SLC2A5: variants seen among roughly 807,000 people sequenced by gnomAD.
SLC2A5 encodes solute carrier family 2 member 5, also known as solute carrier family 2, facilitated glucose transporter member 5.
Under a neutral mutation model 50.3 loss-of-function variants are expected in SLC2A5, and 56 were observed. The observed-to-expected ratio is 1.11, with a 90% CI of 0.90 to 1.39. The LOEUF is 1.39. Ranked by LOEUF, SLC2A5 falls within the 40% of genes most tolerant of loss-of-function variation. SLC2A5 has a pLI of 0.00. For missense variants in SLC2A5, 566 were observed against 650.1 expected, an observed-to-expected ratio of 0.87 and a Z score of 1.41; for synonymous variants, 269 against 281.9, an observed-to-expected ratio of 0.95 and a Z score of 0.46.
chr1:9,084,417 C>T (rs1010935778), intron 2 of SLC2A5, among the ~76,000 whole-genome samples: 9 of 152,222 alleles, frequency 5.9e-5, no homozygotes, highest in African/African-American at 2.2e-4. Context: ...TCTGTACTTT[C>T]ACTATTTTCT....
chr1:9,041,645 G>GC (rs779757124), intron 5 of SLC2A5, 140 bp downstream of exon 5: 26 of 1,524,146 alleles, frequency 1.7e-5, no homozygotes, highest in Admixed American at 2.1e-5. Context: ...GACAGGATGG[G>GC]CCCCCCAAGG....
chr1:9,070,225 C>A (rs534470048), upstream of SLC2A5, among the ~76,000 whole-genome samples: 2 of 151,872 alleles, frequency 1.3e-5, no homozygotes, highest in East Asian at 3.9e-4. Flanking sequence ...GGATTACAGG[C>A]GTGCACTACC....
intron 3 of SLC2A5, 26 bp downstream of exon 3, chr1:9,057,422 G>A (rs762607396): frequency 5.7e-5 from 90 of 1,582,376 alleles, no homozygotes; most frequent in Non-Finnish European, 7.6e-5. Flanking sequence ...TGAGTTTCAG[G>A]GAATTAAAAA....
upstream of SLC2A5, among the ~76,000 whole-genome samples, chr1:9,070,105 G>A (rs183525131): frequency 8.8e-6 from 1 of 114,194 alleles, no homozygotes; most frequent in African/African-American, 4.0e-5. Flanking sequence ...TTTTTGAGAC[G>A]GAGTTTCGCT....
intron 1 of SLC2A5, among the ~76,000 whole-genome samples, chr1:9,062,427 ATTTGGCCAG>A (rs1362482795): frequency 6.6e-6 from 1 of 152,204 alleles, no homozygotes; most frequent in Non-Finnish European, 1.5e-5. Context: ...AGCATCTGGA[ATTTGGCCAG>A]TGTGGCTGGA....
At chr1:9,053,909 A>G (rs1165646779) in intron 3 of SLC2A5, among the ~76,000 whole-genome samples, 7 of 151,896 alleles carry the variant, frequency 4.6e-5, no homozygotes, top group Admixed American at 3.9e-4. Context: ...ATAGTACTAT[A>G]GGAAAGAACA....
intron 3 of SLC2A5, among the ~76,000 whole-genome samples, chr1:9,048,716 A>G (rs534275108): frequency 6.6e-6 from 1 of 152,014 alleles, no homozygotes; most frequent in Non-Finnish European, 1.5e-5. Context: ...GCTGGAGTGC[A>G]GTGATCGCAG....
rs773127479 is a variant in SLC2A5 at position 9,041,866 on chromosome 1, C to T, written c.490G>A (p.Val164Met). Reference sequence around the variant, plus strand: ...ACAGTGATGAAGAGCTGGGGCACCACCCCGAGAGCCCCCCGCAGGTTTTTA... The same window carrying T: ...ACAGTGATGAAGAGCTGGGGCACCATCCCGAGAGCCCCCCGCAGGTTTTTA... ...APKNLRGALG[V>M]VPQLFITVGI... The change falls in exon 5 of 12, where the codon GTG becomes ATG. Residue 164 changes from valine (V) to methionine (M), a missense_variant. Physicochemically the swap from Val to Met is conservative, Grantham distance 21. Transcript: ENST00000377424. 6.2e-7 allele frequency: 1 copy of T among 1,614,000 alleles called. No individual in the cohort carries two copies. Among genetic ancestry groups the T allele is most frequent in the East Asian group, 2.2e-5 (1 of 44,886 alleles).
rs539049341 is a variant in SLC2A5 at position 9,076,007 on chromosome 1, G to T, written c.-58-6413C>A. Among the ~76,000 whole-genome samples, 434 of 150,858 alleles carry T rather than the reference G, an allele frequency of 2.9e-3. 1 individual carries two copies. Among genetic ancestry groups the T allele is most frequent in the Non-Finnish European group, 4.9e-3 (333 of 67,808 alleles). On this transcript the variant is annotated intron_variant, in intron 2 of 5. Transcript: ENST00000464985. ...GTCTCACAGTGTTGCCCAGGCTGGG[G>T]TGCAGTGGCACAATCTCAGCTCACT... is the stretch of plus-strand genomic sequence containing the variant.
At chr1:9,062,343 A>G (rs1751680) in intron 1 of SLC2A5, among the ~76,000 whole-genome samples, 103,098 of 152,150 alleles carry the variant, frequency 0.68, 35,361 homozygotes, top group East Asian at 0.92. Context: ...GAGGAGAGGA[A>G]GGAGAAGAGA....
At chr1:9,060,152 TAC>T (rs201027026) in intron 1 of SLC2A5, among the ~76,000 whole-genome samples, 1 of 121,952 alleles carries the variant, frequency 8.2e-6, no homozygotes, top group African/African-American at 3.1e-5. Flanking sequence ...ACATACACAC[TAC>T]ACACACTACA....
At chr1:9,088,430 G>A (rs544577720) in exon 1 of SLC2A5, 3 of 152,338 alleles carry the variant, frequency 2.0e-5, no homozygotes, top group Admixed American at 1.3e-4. Flanking sequence ...ACCCCTGGTG[G>A]TGGTTCGGCA....
chr1:9,055,508 C>T (rs1185690974), intron 3 of SLC2A5, among the ~76,000 whole-genome samples: 3 of 151,806 alleles, frequency 2.0e-5, no homozygotes, highest in Admixed American at 6.6e-5. Context: ...CAGGGCGAGA[C>T]TCCATCTCAA....
intron 2 of SLC2A5, among the ~76,000 whole-genome samples, chr1:9,084,137 G>A (rs1264104306): frequency 2.0e-5 from 3 of 151,164 alleles, no homozygotes; most frequent in African/African-American, 4.9e-5. Context: ...GCGAGACTCC[G>A]TCTCAAAAAA....
In SLC2A5 at chr1:9,057,519, G is replaced by A. The variant is rs138441151; in HGVS notation, c.222C>T (p.Thr74=). The change falls in exon 3 of 12, where the codon ACC becomes ACT. Residue 74 remains threonine, a synonymous_variant. Transcript: ENST00000377424. ...ACCCTCCAAATGGAAACATGGACAC[G>A]GTTACAGACCACAGCAACGTCAAGG... is the stretch of plus-strand genomic sequence containing the variant. The part of the protein sequence containing the change: ...DFPLTLLWSV[T]VSMFPFGGFI... 29 of 1,613,712 alleles carry A rather than the reference G, an allele frequency of 1.8e-5. No individual in the cohort carries two copies. In the South Asian group the frequency reaches 2.3e-4, roughly 13 times the overall value.
intron 1 of SLC2A5, among the ~76,000 whole-genome samples, chr1:9,065,883 G>T (rs1642067054): frequency 6.6e-6 from 1 of 152,106 alleles, no homozygotes; most frequent in Non-Finnish European, 1.5e-5. Context: ...CCAGGAGGCT[G>T]CAATGAGCCG....
intron 3 of SLC2A5, among the ~76,000 whole-genome samples, chr1:9,055,600 A>G (rs1569873589): frequency 6.6e-6 from 1 of 152,118 alleles, no homozygotes. Flanking sequence ...ATAGGAACTC[A>G]TTAATAAAAG....
At chr1:9,047,900 C>G (rs1167263011) in intron 3 of SLC2A5, among the ~76,000 whole-genome samples, 166 bp from the exon 4 acceptor site, 1 of 152,130 alleles carries the variant, frequency 6.6e-6, no homozygotes, top group Non-Finnish European at 1.5e-5. Context: ...AGTGCATGGC[C>G]TGGTGTGGGA....
At chr1:9,083,642 G>A (rs1642375449) in intron 2 of SLC2A5, among the ~76,000 whole-genome samples, 1 of 151,970 alleles carries the variant, frequency 6.6e-6, no homozygotes, top group South Asian at 2.1e-4. Context: ...GGCCAAAATG[G>A]TGAAACCCCA....
Sources: allele counts gnomAD v4.1 joint callset (sites outside exome capture counted in the v4.1 genomes callset), GRCh38; gene constraint gnomAD v4.1.1; transcripts MANE v1.5; gene names NCBI Gene and HGNC (gene_info 2026-07-23, HGNC 2026-07-21).